Variants in PROSER1 observed in about 807,000 individuals in gnomAD.
The protein encoded by PROSER1 is proline and serine-rich protein 1.
A neutral mutation model predicts 71.8 loss-of-function variants in PROSER1; 36 were observed. The observed-to-expected ratio is 0.50, with a 90% CI of 0.38 to 0.66. The LOEUF is 0.66. Among genes scored for constraint, PROSER1 ranks in the 30% least tolerant of loss-of-function variants. The pLI, the probability that PROSER1 is intolerant of heterozygous loss-of-function variation, is 0.00. For synonymous variants in PROSER1, 490 were observed against 452.4 expected (o/e 1.08, Z -1.06); for missense variants, 1,107 against 1,135.0 (o/e 0.98, Z 0.35).
In PROSER1 at chr13:39,029,310, G is replaced by C; in HGVS notation, c.246C>G (p.Asp82Glu). 7.0e-7 allele frequency: 1 copy of C among 1,434,144 alleles called. No individual in the cohort carries two copies. Among genetic ancestry groups the C allele is most frequent in the East Asian group, 2.5e-5 (1 of 39,512 alleles). 88.8% of individuals were successfully genotyped at this position (1,434,144 alleles called of 1,614,324 possible). A position where few individuals can be genotyped will look rare whatever the true frequency, so the allele number is the denominator to read the frequency against. Residue 82 changes from aspartate to glutamate, a missense_variant, in exon 4 of 13, where the codon GAC (aspartate) becomes GAG (glutamate). Physicochemically the swap from Asp to Glu is conservative, Grantham distance 45 (BLOSUM62 2). Coordinates refer to ENST00000352251, the MANE Select transcript of PROSER1 (RefSeq NM_025138.5). ...NILNCFTFSK[D>E]KLVALELLAS... ...CTAACAGTTCAAGAGCAACTAGTTT[G>C]TCTTTACTGAAAGTGAAACAGTTGA...
intron 12 of PROSER1, 58 bp from the exon 13 acceptor site, chr13:39,011,545 T>C: frequency 6.3e-7 from 1 of 1,581,894 alleles, no homozygotes; most frequent in South Asian, 1.1e-5. Context: ...AAGCCTGCGC[T>C]TGCTTCTACC....
At chr13:39,019,799 T>TA (rs1870203947) in intron 9 of PROSER1, among the ~76,000 whole-genome samples, 1 of 151,858 alleles carries the variant, frequency 6.6e-6, no homozygotes, top group Admixed American at 6.6e-5. Context: ...AACAAATGTG[T>TA]AATTTTTATT....
Position 39,010,841 on chromosome 13 carries a change from C to T in PROSER1, c.*524G>A, listed in dbSNP as rs1869607661. 1 of 153,036 alleles carries T rather than the reference C, an allele frequency of 6.5e-6. No homozygotes were observed. The highest frequency in any genetic ancestry group is 1.5e-5 in the Non-Finnish European group (1 of 68,448). The allele number at this position is 153,036 out of a possible 1,614,324, so 9.5% of individuals were successfully genotyped here. ...CAGCAGTATGTACGGTTGTTAATAT[C>T]AGAAATTAAGAATAACTGTGGGTCT... On this transcript the variant is annotated 3_prime_UTR_variant, in exon 13 of 13. Transcript: ENST00000352251.
intron 9 of PROSER1, among the ~76,000 whole-genome samples, chr13:39,019,156 A>G (rs1187403772): frequency 6.6e-6 from 1 of 152,108 alleles, no homozygotes; most frequent in Non-Finnish European, 1.5e-5. Context: ...TAAAGAAATT[A>G]AATATCAGAA....
At chr13:39,033,808 T>A (rs955192397) in intron 2 of PROSER1, among the ~76,000 whole-genome samples, 1 of 152,218 alleles carries the variant, frequency 6.6e-6, no homozygotes, top group African/African-American at 2.4e-5. Flanking sequence ...TTGTCTTACA[T>A]GTAACTATAA....
intron 8 of PROSER1, 106 bp downstream of exon 8, chr13:39,022,941 GCATTT>G: frequency 1.3e-6 from 1 of 799,486 alleles, no homozygotes; most frequent in Non-Finnish European, 2.1e-6. Context: ...GCTCACAGTA[GCATTT>G]CATAAGTGCT....
At chr13:39,022,217 T>C (rs940977900) in intron 9 of PROSER1, 109 bp downstream of exon 9, 38 of 770,618 alleles carry the variant, frequency 4.9e-5, no homozygotes, top group Non-Finnish European at 8.3e-5. Flanking sequence ...CTTCAGACTC[T>C]TGAGCTTGTG....
intron 9 of PROSER1, among the ~76,000 whole-genome samples, chr13:39,019,223 C>T (rs1040748146): frequency 3.3e-5 from 5 of 151,726 alleles, no homozygotes; most frequent in East Asian, 1.9e-4. Context: ...AAGGAGAGGT[C>T]GGGCGCAGTG....
intron 1 of PROSER1, among the ~76,000 whole-genome samples, chr13:39,034,696 G>A (rs1290335631): frequency 1.3e-5 from 2 of 152,206 alleles, no homozygotes; most frequent in Admixed American, 6.5e-5. Context: ...AATGCAAGAA[G>A]TCCTGAATTC....
At chr13:39,034,931 G>A (rs988910665) in intron 1 of PROSER1, among the ~76,000 whole-genome samples, 2 of 152,172 alleles carry the variant, frequency 1.3e-5, no homozygotes, top group African/African-American at 4.8e-5. Context: ...TGGTGGCTTT[G>A]ATGCAGCACT....
At chr13:39,014,608 T>C in intron 10 of PROSER1, 132 bp from the exon 11 acceptor site, 1 of 688,370 alleles carries the variant, frequency 1.5e-6, no homozygotes, top group South Asian at 2.0e-5. Context: ...AACAGGCTCT[T>C]GTAATATCTA....
Position 39,038,066 on chromosome 13 carries a change from C to G in PROSER1, c.-824G>C, listed in dbSNP as rs901938503. 2.6e-5 allele frequency: 4 copies of G among 153,912 alleles called. No homozygotes were observed. The highest frequency in any genetic ancestry group is 7.2e-5 in the African/African-American group (3 of 41,442). 9.5% of individuals were successfully genotyped at this position (153,912 alleles called of 1,614,324 possible). A position where few individuals can be genotyped will look rare whatever the true frequency, so the allele number is the denominator to read the frequency against. ...CGCCCAAGTAAACTCAACACTGCGC[C>G]GCCAGCTTGGGCCCCTCTTTCCTGA... is the stretch of plus-strand genomic sequence containing the variant. On this transcript the variant is annotated 5_prime_UTR_variant, in exon 1 of 13. Transcript: ENST00000352251.
chr13:39,036,939 C>G (rs1042857538), intron 1 of PROSER1, among the ~76,000 whole-genome samples: 1 of 152,176 alleles, frequency 6.6e-6, no homozygotes, highest in Non-Finnish European at 1.5e-5. Context: ...ATTTGTAAAG[C>G]CGGCTTTGGA....
chr13:39,029,498 A>G (rs920131804), intron 3 of PROSER1, 123 bp from the exon 4 acceptor site: 7 of 497,306 alleles, frequency 1.4e-5, no homozygotes, highest in Non-Finnish European at 2.4e-5. Context: ...ATCACATTTT[A>G]GGTGAAAACC....
chr13:39,013,067 A>C lies in PROSER1; in HGVS notation c.2185T>G (p.Ser729Ala). 1 of 1,614,150 alleles carries C rather than the reference A, an allele frequency of 6.2e-7. No homozygotes were observed. The highest frequency in any genetic ancestry group is 8.5e-7 in the Non-Finnish European group (1 of 1,180,030). Reference sequence around the variant, plus strand: ...GATGTGGAGGTGGCAGCGGTAGATGAGGTGGCTATTAATGACCCTGGGAGA... The same window carrying C: ...GATGTGGAGGTGGCAGCGGTAGATGCGGTGGCTATTAATGACCCTGGGAGA... ...VSLPGSLIATSSTAATSTSLP... is the reference protein window; with the variant it reads ...VSLPGSLIATASTAATSTSLP... Residue 729 changes from serine to alanine, a missense_variant, in exon 11 of 13, where the codon TCA becomes GCA. Coordinates refer to ENST00000352251, the MANE Select transcript of PROSER1 (RefSeq NM_025138.5).
intron 11 of PROSER1, chr13:39,012,464 G>A: frequency 1.6e-6 from 1 of 640,532 alleles, no homozygotes; most frequent in Non-Finnish European, 2.7e-6. Context: ...CCTTTCTGCT[G>A]TCTTATAAAT....
Position 39,025,043 on chromosome 13 carries a change from G to A in PROSER1, c.481-487C>T, listed in dbSNP as rs949843783. ...TTTTACTGTATTATTGCTTTTTTTC[G>A]GAATACAGTATGTTCTGATTTTTCT... On this transcript the variant is annotated intron_variant, in intron 6 of 12. Coordinates refer to ENST00000352251, the MANE Select transcript of PROSER1 (RefSeq NM_025138.5). Among the ~76,000 whole-genome samples, 8 of 151,720 alleles carry A rather than the reference G, an allele frequency of 5.3e-5. No homozygotes were observed. In the South Asian group the frequency reaches 6.2e-4, roughly 12 times the overall value.
chr13:39,032,981 C>T (rs1016336169), intron 2 of PROSER1, among the ~76,000 whole-genome samples: 39 of 150,722 alleles, frequency 2.6e-4, no homozygotes, highest in African/African-American at 8.8e-4. Context: ...AGCGCAATGG[C>T]GCGATCTTGG....
At chr13:39,031,888 G>A (rs981701124) in intron 2 of PROSER1, among the ~76,000 whole-genome samples, 2 of 152,092 alleles carry the variant, frequency 1.3e-5, no homozygotes, top group Admixed American at 6.5e-5. Flanking sequence ...GCTATGTGAG[G>A]CTGATAACTA....
Sources: gnomAD v4.1 joint callset for allele counts (sites outside exome capture counted in the v4.1 genomes callset) on GRCh38, gnomAD v4.1.1 for gene constraint, MANE v1.5 for transcripts, NCBI Gene and HGNC (gene_info 2026-07-23, HGNC 2026-07-21) for gene names.